ROBO2: variants seen among roughly 807,000 people sequenced by gnomAD.
ROBO2 encodes the protein roundabout guidance receptor 2.
In ROBO2, 53 loss-of-function variants were observed where a neutral mutation model predicts 160.8. The observed-to-expected ratio is 0.33, with a 90% CI of 0.26 to 0.41. ROBO2 has a LOEUF of 0.41. ROBO2 is among the 10% of genes least tolerant of loss of function. The pLI is 1.00. For missense variants in ROBO2, 1,577 were observed against 1,722.4 expected (o/e 0.92, Z 1.49); for synonymous variants, 664 against 611.7 (o/e 1.09, Z -1.26).
chr3:75,997,499 CT>C (rs56890342), intron 2 of ROBO2, among the ~76,000 whole-genome samples: 24 of 126,472 alleles, frequency 1.9e-4, no homozygotes, highest in Admixed American at 1.8e-4. Context: ...TTCATCCATT[CT>C]TTTTTTTTTT....
Position 77,211,317 on chromosome 3 carries a change from C to A in ROBO2, c.388+112977C>A, listed in dbSNP as rs557537261. On this transcript the variant is annotated intron_variant, in intron 2 of 25. Coordinates refer to ENST00000461745, the Ensembl canonical transcript of ROBO2. ...GCGATGGTATCTCATTGTGGTTTTG[C>A]TTTGCATTTCTGTGATGGCCAGTGA... Among the ~76,000 whole-genome samples the A allele has an allele frequency of 2.1e-4, 32 of 152,214 alleles. 1 individual carries two copies. Among genetic ancestry groups the A allele is most frequent in the African/African-American group, 6.3e-4 (26 of 41,538 alleles).
At chr3:76,477,601 A>C (rs1477561251) in intron 2 of ROBO2, among the ~76,000 whole-genome samples, 1 of 152,132 alleles carries the variant, frequency 6.6e-6, no homozygotes, top group African/African-American at 2.4e-5. Flanking sequence ...CTATCTTAAT[A>C]ACATGTCCAT....
At chr3:77,493,605 C>A (rs921643695) in intron 5 of ROBO2, among the ~76,000 whole-genome samples, 2 of 152,270 alleles carry the variant, frequency 1.3e-5, no homozygotes, top group East Asian at 3.9e-4. Context: ...CTTGATTCTT[C>A]ATTCCACCTC....
At chr3:77,431,483 A>G (rs2078766691) in intron 2 of ROBO2, among the ~76,000 whole-genome samples, 1 of 152,196 alleles carries the variant, frequency 6.6e-6, no homozygotes. Flanking sequence ...ATAGATATAA[A>G]TAATTATTGA....
intron 2 of ROBO2, among the ~76,000 whole-genome samples, chr3:76,470,138 G>A (rs2078579832): frequency 6.6e-6 from 1 of 152,074 alleles, no homozygotes; most frequent in African/African-American, 2.4e-5. Flanking sequence ...ATTTATCCAA[G>A]TGTCTGCAAT....
At chr3:77,358,419 G>T (rs1349602841) in intron 2 of ROBO2, among the ~76,000 whole-genome samples, 2 of 152,084 alleles carry the variant, frequency 1.3e-5, no homozygotes, top group African/African-American at 4.8e-5. Flanking sequence ...AATTTTATCT[G>T]CGACAAACTT....
At chr3:76,661,880 G>A (rs1350456195) in intron 2 of ROBO2, among the ~76,000 whole-genome samples, 2 of 152,034 alleles carry the variant, frequency 1.3e-5, no homozygotes, top group Non-Finnish European at 2.9e-5. Flanking sequence ...AGCTTTGCAG[G>A]GTCATTTAAA....
At chr3:76,765,176 C>T (rs13315945) in intron 2 of ROBO2, among the ~76,000 whole-genome samples, 2,945 of 151,752 alleles carry the variant, frequency 0.019, 92 homozygotes, top group African/African-American at 0.066. Context: ...CAGTGCCCAA[C>T]TATATCTTGT....
At chr3:76,876,360 C>T (rs1431232141) in intron 2 of ROBO2, among the ~76,000 whole-genome samples, 1 of 152,100 alleles carries the variant, frequency 6.6e-6, no homozygotes, top group Non-Finnish European at 1.5e-5. Flanking sequence ...GTCTTCTTTG[C>T]AGTTGCTTTG....
chr3:76,227,927 G>A (rs959401277), intron 2 of ROBO2, among the ~76,000 whole-genome samples: 11 of 152,020 alleles, frequency 7.2e-5, no homozygotes, highest in Non-Finnish European at 1.5e-4. Flanking sequence ...TTTAGATTTC[G>A]TTTAAAGATA....
At chr3:76,102,522 A>G (rs2069739309) in intron 2 of ROBO2, among the ~76,000 whole-genome samples, 1 of 152,212 alleles carries the variant, frequency 6.6e-6, no homozygotes, top group African/African-American at 2.4e-5. Context: ...GTAGTAACAG[A>G]AAAGTCATAC....
intron 2 of ROBO2, among the ~76,000 whole-genome samples, chr3:76,827,031 A>G (rs978803658): frequency 2.0e-5 from 3 of 152,128 alleles, no homozygotes; most frequent in African/African-American, 7.2e-5. Context: ...CAAATACTAC[A>G]CATTAACTTG....
At chr3:76,715,308 A>C (rs1197433704) in intron 2 of ROBO2, among the ~76,000 whole-genome samples, 4 of 152,308 alleles carry the variant, frequency 2.6e-5, no homozygotes, top group Middle Eastern at 6.8e-3. Context: ...GAATACCACC[A>C]CCACTAACAT....
At position 75,911,810 on chromosome 3, in the gene ROBO2, C is replaced by T. The variant is rs376863185; in HGVS notation, c.-14+4850C>T. 3.2e-4 allele frequency among the ~76,000 whole-genome samples: 49 copies of T among 152,080 alleles called. 1 individual carries two copies. The highest frequency in any genetic ancestry group is 7.5e-4 in the African/African-American group (31 of 41,506). ...TGACCTCGTGATCCGCCCGTCTCGG[C>T]CTCCCAAAGTGCTGGGATTACAGGC... On this transcript the variant is annotated intron_variant, in intron 1 of 26. Coordinates refer to the ROBO2 transcript ENST00000487694.
intron 2 of ROBO2, among the ~76,000 whole-genome samples, chr3:76,493,357 ATATATAT>A (rs1399414756): frequency 6.3e-5 from 9 of 143,278 alleles, no homozygotes; most frequent in African/African-American, 2.3e-4. Context: ...ATATATATAT[ATATATAT>A]AATTGTATAT....
rs919030832 is a variant in ROBO2, at chr3:77,295,773, G to A, written c.389-181641G>A. The stretch of plus-strand genomic sequence containing the variant: ...GAGGCTAGATCACCCCAGACATAAA[G>A]TAAAATTGATGTTTAAATGGGTAAG... On this transcript the variant is annotated intron_variant, in intron 2 of 25. Transcript: ENST00000461745. Among the ~76,000 whole-genome samples, 5 of 148,442 alleles carry A rather than the reference G, an allele frequency of 3.4e-5. No homozygotes were observed. The South Asian group carries it at 1.1e-3, about 32-fold the overall frequency.
chr3:77,203,684 C>T (rs181136060), intron 2 of ROBO2, among the ~76,000 whole-genome samples: 1 of 152,244 alleles, frequency 6.6e-6, no homozygotes, highest in East Asian at 1.9e-4. Flanking sequence ...AAAGAGGCTT[C>T]GAGGCTTCTC....
chr3:77,542,457 A>G (rs192379535), intron 6 of ROBO2, among the ~76,000 whole-genome samples: 1 of 152,342 alleles, frequency 6.6e-6, no homozygotes, highest in Admixed American at 6.5e-5. Flanking sequence ...TGGTGACAAT[A>G]GTCTATTGAA....
At chr3:76,082,144 T>A (rs2068855846) in intron 2 of ROBO2, among the ~76,000 whole-genome samples, 1 of 152,134 alleles carries the variant, frequency 6.6e-6, no homozygotes, top group Non-Finnish European at 1.5e-5. Flanking sequence ...GGTAGACTGA[T>A]GTAAAAGGTA....
Sources: gnomAD v4.1 joint callset for allele counts (sites outside exome capture counted in the v4.1 genomes callset) on GRCh38, gnomAD v4.1.1 for gene constraint, MANE v1.5 for transcripts, NCBI Gene and HGNC (gene_info 2026-07-23, HGNC 2026-07-21) for gene names.